Variants in DENND4C observed in about 807,000 individuals in gnomAD.
DENND4C encodes the protein DENN domain containing 4C, also known as DENN domain-containing protein 4C.
DENND4C carries 108 observed loss-of-function variants against 203.0 expected under a neutral mutation model. The observed-to-expected ratio is 0.53, with a 90% CI of 0.46 to 0.62. DENND4C has a LOEUF of 0.62. DENND4C is among the 20% of genes least tolerant of loss of function. DENND4C has a pLI of 0.00. For synonymous variants in DENND4C, 871 were observed against 792.4 expected (o/e 1.10, Z -1.67); for missense variants, 2,481 against 2,301.2 (o/e 1.08, Z -1.60).
At chr9:19,319,351 C>CA (rs1842427139) in intron 12 of DENND4C, among the ~76,000 whole-genome samples, 5 of 29,788 alleles carry the variant, frequency 1.7e-4, no homozygotes, top group African/African-American at 3.0e-4. Flanking sequence ...TATATATATA[C>CA]TTATATATAC....
At chr9:19,258,138 T>A (rs971765016) in intron 1 of DENND4C, among the ~76,000 whole-genome samples, 2 of 151,630 alleles carry the variant, frequency 1.3e-5, no homozygotes, top group Admixed American at 6.6e-5. Context: ...TCAATCAATC[T>A]ATCTATCTAT....
At chr9:19,234,008 A>G (rs1410310652) in intron 1 of DENND4C, among the ~76,000 whole-genome samples, 1 of 152,204 alleles carries the variant, frequency 6.6e-6, no homozygotes, top group Non-Finnish European at 1.5e-5. Context: ...TACTTCTATA[A>G]TGTAGTAGTA....
At chr9:19,286,237 C>A (rs990597352) in intron 2 of DENND4C, among the ~76,000 whole-genome samples, 1 of 152,084 alleles carries the variant, frequency 6.6e-6, no homozygotes, top group East Asian at 1.9e-4. Context: ...CAGATTAATT[C>A]AATTTTCATT....
chr9:19,263,452 G>A, intron 1 of DENND4C, among the ~76,000 whole-genome samples: 1 of 151,872 alleles, frequency 6.6e-6, no homozygotes, highest in East Asian at 1.9e-4. Flanking sequence ...TGCCTCCTGG[G>A]TTCAAGCAAT....
intron 17 of DENND4C, among the ~76,000 whole-genome samples, chr9:19,334,407 T>C (rs1473073502): frequency 6.6e-6 from 1 of 152,202 alleles, no homozygotes; most frequent in Non-Finnish European, 1.5e-5. Flanking sequence ...TAATAGTCTT[T>C]CTCTTTGTAT....
At chr9:19,309,161 G>A (rs150337083) in intron 10 of DENND4C, among the ~76,000 whole-genome samples, 116 of 152,218 alleles carry the variant, frequency 7.6e-4, no homozygotes, top group Middle Eastern at 3.4e-3. Context: ...GGTGGCTCAC[G>A]CCTGTAATCC....
At chr9:19,360,546 A>G (rs1826241664) in intron 29 of DENND4C, 57 bp downstream of exon 29, 1 of 1,595,306 alleles carries the variant, frequency 6.3e-7, no homozygotes, top group African/African-American at 1.4e-5. Flanking sequence ...GCTTAACTTC[A>G]AGGTCCTGAA....
intron 4 of DENND4C, among the ~76,000 whole-genome samples, chr9:19,289,600 G>A (rs569267353): frequency 1.3e-5 from 2 of 152,064 alleles, no homozygotes; most frequent in African/African-American, 2.4e-5. Context: ...AGAGTGAGGC[G>A]GGCAGATCGC....
In DENND4C at chr9:19,350,898, C is replaced by T; in HGVS notation, c.4495+19C>T. On this transcript the variant is annotated intron_variant, in intron 24 of 32. Transcript: ENST00000434457. ...CCAACAGGTATGGGGAAGGATTATC[C>T]TTTCTTCATTTGCTTTATAATAGTT... The T allele has an allele frequency of 6.3e-7, 1 of 1,575,372 alleles. No individual in the cohort carries two copies. The highest frequency in any genetic ancestry group is 8.6e-7 in the Non-Finnish European group (1 of 1,161,518).
At chr9:19,298,600 C>A (rs777566704) in intron 7 of DENND4C, among the ~76,000 whole-genome samples, 1 of 152,092 alleles carries the variant, frequency 6.6e-6, no homozygotes, top group African/African-American at 2.4e-5. Context: ...GGTCTATATC[C>A]TCTCTATAAT....
chr9:19,340,884 T>C (rs1403186481), intron 20 of DENND4C, 108 bp from the exon 21 acceptor site: 4 of 992,516 alleles, frequency 4.0e-6, no homozygotes, highest in Non-Finnish European at 5.5e-6. Flanking sequence ...TTGTCTTCCT[T>C]TTGTCTAACC....
intron 20 of DENND4C, chr9:19,337,526 T>C: frequency 1.2e-6 from 1 of 840,192 alleles, no homozygotes; most frequent in Non-Finnish European, 1.5e-6. Flanking sequence ...TCTCTGCTCT[T>C]TGTTGCTTTG....
chr9:19,252,865 A>T (rs1391941014), intron 1 of DENND4C, among the ~76,000 whole-genome samples: 2 of 151,968 alleles, frequency 1.3e-5, no homozygotes, highest in African/African-American at 4.8e-5. Flanking sequence ...CCTTCCAAGT[A>T]TCTAGGACCA....
chr9:19,274,610 A>G (rs1211436647), intron 1 of DENND4C, among the ~76,000 whole-genome samples: 1 of 151,996 alleles, frequency 6.6e-6, no homozygotes, highest in Non-Finnish European at 1.5e-5. Context: ...ATGTTTCACT[A>G]TCTTGATTGT....
Position 19,358,177 on chromosome 9 carries a change from A to G in DENND4C, c.5160+17A>G. The G allele has an allele frequency of 6.2e-7, 1 of 1,600,806 alleles. No individual in the cohort carries two copies. On this transcript the variant is annotated intron_variant, in intron 28 of 32. Coordinates refer to ENST00000434457, the MANE Select transcript of DENND4C (RefSeq NM_001330640.2). This position sits in a 1 kb window ranked among gnomAD's most constrained non-coding sequence, Gnocchi z 4.8. Reference sequence around the variant, plus strand: ...GAAGTTGTGGTATGTAACAACAACAACATTGTAATTATACTGCATACACAC... The same window carrying G: ...GAAGTTGTGGTATGTAACAACAACAGCATTGTAATTATACTGCATACACAC...
intron 1 of DENND4C, among the ~76,000 whole-genome samples, chr9:19,232,064 A>T (rs956426963): frequency 2.0e-5 from 3 of 152,214 alleles, no homozygotes; most frequent in African/African-American, 7.2e-5. Flanking sequence ...GGAAGTTTTC[A>T]TCTTTGAACA....
chr9:19,343,688 C>T (rs530228490), intron 22 of DENND4C, among the ~76,000 whole-genome samples: 8 of 152,282 alleles, frequency 5.3e-5, no homozygotes, highest in African/African-American at 1.9e-4. Context: ...TTTTCCTAAC[C>T]TCTTGATAGC....
At chr9:19,243,987 A>T (rs544187834) in intron 1 of DENND4C, among the ~76,000 whole-genome samples, 98 of 151,406 alleles carry the variant, frequency 6.5e-4, no homozygotes, top group African/African-American at 1.9e-3. Context: ...ATTTTTAAAA[A>T]TTTTTTTGTA....
chr9:19,315,155 C>CAAAAAAA (rs10623955), intron 10 of DENND4C, among the ~76,000 whole-genome samples: 14 of 119,232 alleles, frequency 1.2e-4, no homozygotes, highest in South Asian at 2.8e-4. Context: ...GACTCCGTCT[C>CAAAAAAA]AAAAAAAAAA....
Sources: gnomAD v4.1 joint callset for allele counts (sites outside exome capture counted in the v4.1 genomes callset) on GRCh38, gnomAD v4.1.1 for gene constraint, Gnocchi (gnomAD v3.1) non-coding constraint, MANE v1.5 for transcripts, NCBI Gene and HGNC (gene_info 2026-07-23, HGNC 2026-07-21) for gene names.